The following ACBD6 variants were observed in gnomAD, a reference collection of about 807,000 sequenced individuals.
ACBD6 encodes the protein acyl-CoA-binding domain-containing protein 6.
In ACBD6, 28 loss-of-function variants were observed where a neutral mutation model predicts 37.2. That is an observed-to-expected ratio of 0.75 (90% confidence interval 0.56 to 1.03). The LOEUF (loss-of-function observed/expected upper bound fraction) is 1.03. Among genes scored for constraint, ACBD6 ranks in the 50% least tolerant of loss-of-function variants. The pLI is 0.00. For missense variants in ACBD6, 340 were observed against 337.4 expected (o/e 1.01, Z -0.06); for synonymous variants, 113 against 126.8 (o/e 0.89, Z 0.73).
chr1:180,318,172 C>CCG (rs1553291931), intron 6 of ACBD6, among the ~76,000 whole-genome samples: 5 of 106,366 alleles, frequency 4.7e-5, no homozygotes, highest in Non-Finnish European at 8.3e-5. Flanking sequence ...CGCCCCCCCC[C>CCG]CCCAAAAAAA....
intron 3 of ACBD6, among the ~76,000 whole-genome samples, chr1:180,481,166 T>C (rs973664763): frequency 1.3e-5 from 2 of 152,138 alleles, no homozygotes; most frequent in South Asian, 4.1e-4. Context: ...ACCACAACCT[T>C]GTGATTCTCT....
rs185501262 is a variant in ACBD6 at position 180,339,112 on chromosome 1, A to C, written c.664-24390T>G. Among the ~76,000 whole-genome samples, 400 of 152,372 alleles carry C rather than the reference A, an allele frequency of 2.6e-3. 4 individuals are homozygous for C. Among genetic ancestry groups the C allele is most frequent in the African/African-American group, 9.2e-3 (381 of 41,586 alleles). On this transcript the variant is annotated intron_variant, in intron 6 of 7. Transcript: ENST00000367595. Reference sequence around the variant, plus strand: ...TGTAAACTAGCTCAACCATTGTGGAAGTCAGTGTGGCAATTCCTCAGGGAT... The same window carrying C: ...TGTAAACTAGCTCAACCATTGTGGACGTCAGTGTGGCAATTCCTCAGGGAT...
At chr1:180,274,810 G>A in exon 10 of ACBD6, 1 of 520,570 alleles carries the variant, frequency 1.9e-6, no homozygotes, top group Non-Finnish European at 3.4e-6. Context: ...GGGGGTAATG[G>A]CCTAGAGCTC....
At chr1:180,325,456 T>C (rs538144870) in intron 6 of ACBD6, among the ~76,000 whole-genome samples, 2 of 152,312 alleles carry the variant, frequency 1.3e-5, no homozygotes, top group Admixed American at 6.5e-5. Flanking sequence ...ATTTATATGA[T>C]AGAATTCTGA....
intron 6 of ACBD6, among the ~76,000 whole-genome samples, chr1:180,386,220 G>A (rs1653840874): frequency 2.0e-5 from 3 of 152,142 alleles, no homozygotes; most frequent in African/African-American, 7.2e-5. Flanking sequence ...GATAAGTTAG[G>A]TGTATTAAGT....
intron 6 of ACBD6, among the ~76,000 whole-genome samples, chr1:180,364,612 T>C (rs1034217059): frequency 6.6e-6 from 1 of 152,164 alleles, no homozygotes; most frequent in African/African-American, 2.4e-5. Context: ...GAATAGGCTA[T>C]TTTGTGAAGT....
intron 6 of ACBD6, among the ~76,000 whole-genome samples, chr1:180,354,328 T>C (rs1033030876): frequency 3.3e-5 from 5 of 152,234 alleles, no homozygotes; most frequent in African/African-American, 1.2e-4. Flanking sequence ...ATGTCAGTTT[T>C]GAGTACTGTA....
At chr1:180,420,390 A>G (rs1648306487) in intron 4 of ACBD6, among the ~76,000 whole-genome samples, 1 of 152,210 alleles carries the variant, frequency 6.6e-6, no homozygotes, top group South Asian at 2.1e-4. Context: ...CGCCGTTTCT[A>G]TAATGACAGC....
chr1:180,502,440 C>A lies in ACBD6; in HGVS notation c.-174G>T. On this transcript the variant is annotated 5_prime_UTR_variant, in exon 1 of 8. Transcript: ENST00000367595. ...ACCCTGCTCCCTGCCCACTTCTACT[C>A]CCTGGGCGTGCAGAGCAGGCTCCTC... 2.8e-6 allele frequency: 2 copies of A among 712,462 alleles called. No individual in the cohort carries two copies. Among genetic ancestry groups the A allele is most frequent in the East Asian group, 5.4e-5 (2 of 36,896 alleles). 44.1% of individuals were successfully genotyped at this position (712,462 alleles called of 1,614,324 possible).
chr1:180,323,184 G>C (rs1571359070), intron 6 of ACBD6, among the ~76,000 whole-genome samples: 1 of 151,978 alleles, frequency 6.6e-6, no homozygotes, highest in South Asian at 2.1e-4. Context: ...TTATTTACAG[G>C]CCAGTATCTC....
intron 3 of ACBD6, among the ~76,000 whole-genome samples, chr1:180,443,481 T>C (rs1271951108): frequency 6.6e-6 from 1 of 152,182 alleles, no homozygotes; most frequent in African/African-American, 2.4e-5. Context: ...TCATCCTCTC[T>C]GGTATTCAGC....
intron 3 of ACBD6, among the ~76,000 whole-genome samples, chr1:180,459,516 G>T (rs1258223287): frequency 6.6e-6 from 1 of 152,138 alleles, no homozygotes; most frequent in African/African-American, 2.4e-5. Context: ...GACAATTATA[G>T]TCCAAGTACA....
At chr1:180,466,564 A>T (rs1248000864) in intron 3 of ACBD6, among the ~76,000 whole-genome samples, 2 of 152,228 alleles carry the variant, frequency 1.3e-5, no homozygotes, top group Non-Finnish European at 2.9e-5. Context: ...CTGGAGAATG[A>T]AATTAATGAC....
At chr1:180,488,227 T>G (rs1651352967) in intron 3 of ACBD6, among the ~76,000 whole-genome samples, 2 of 151,552 alleles carry the variant, frequency 1.3e-5, no homozygotes, top group Admixed American at 6.6e-5. Flanking sequence ...TATTCGAAAC[T>G]GTAAAAACAA....
intron 7 of ACBD6, among the ~76,000 whole-genome samples, chr1:180,298,301 T>C (rs1240353667): frequency 6.6e-6 from 1 of 152,194 alleles, no homozygotes; most frequent in East Asian, 1.9e-4. Context: ...ATAGGACCTT[T>C]AGCAGTATCA....
chr1:180,471,664 G>A (rs908431218), intron 3 of ACBD6, among the ~76,000 whole-genome samples: 4 of 152,102 alleles, frequency 2.6e-5, no homozygotes, highest in African/African-American at 9.6e-5. Context: ...TCAGTATCTC[G>A]AGAATAGCAT....
At chr1:180,411,643 C>T (rs1647860249) in intron 5 of ACBD6, among the ~76,000 whole-genome samples, 1 of 152,190 alleles carries the variant, frequency 6.6e-6, no homozygotes, top group Non-Finnish European at 1.5e-5. Context: ...TAATAAACTA[C>T]AGTACAGTGT....
intron 7 of ACBD6, among the ~76,000 whole-genome samples, chr1:180,298,738 C>A (rs1022906269): frequency 1.3e-5 from 2 of 152,140 alleles, no homozygotes; most frequent in South Asian, 4.1e-4. Flanking sequence ...AACAGTAATT[C>A]AGAGCAAGAA....
intron 4 of ACBD6, among the ~76,000 whole-genome samples, chr1:180,418,519 C>A (rs752447376): frequency 6.6e-6 from 1 of 151,578 alleles, no homozygotes; most frequent in Admixed American, 6.6e-5. Flanking sequence ...TTTGAGGTTA[C>A]AGTGAGCTAT....
Sources: gnomAD v4.1 joint callset for allele counts (sites outside exome capture counted in the v4.1 genomes callset) on GRCh38, gnomAD v4.1.1 for gene constraint, MANE v1.5 for transcripts, NCBI Gene and HGNC (gene_info 2026-07-23, HGNC 2026-07-21) for gene names.